Variants in NCOA6 observed in about 807,000 individuals in gnomAD.
NCOA6 encodes the protein NRC RAP250.
NCOA6 carries 49 observed loss-of-function variants against 171.4 expected under a neutral mutation model. That is an observed-to-expected ratio of 0.29 (90% CI 0.23 to 0.36). NCOA6 has a LOEUF of 0.36. Ranked by LOEUF, NCOA6 falls within the 10% of genes least tolerant of loss-of-function variation. The pLI, the probability that NCOA6 is intolerant of heterozygous loss-of-function variation, is 1.00. For synonymous variants in NCOA6, 910 were observed against 927.5 expected, an observed-to-expected ratio of 0.98 and a Z score of 0.34; for missense variants, 2,248 against 2,554.5, an observed-to-expected ratio of 0.88 and a Z score of 2.59.
intron 2 of NCOA6, 31 bp from the exon 3 acceptor site, chr20:34,782,435 A>T: frequency 1.4e-6 from 1 of 722,954 alleles, no homozygotes; most frequent in Non-Finnish European, 2.2e-6. Context: ...AGAGCATTAC[A>T]ATGCATAGTT....
intron 14 of NCOA6, among the ~76,000 whole-genome samples, chr20:34,716,632 T>C (rs1988633768): frequency 6.6e-6 from 1 of 152,086 alleles, no homozygotes; most frequent in African/African-American, 2.4e-5. Flanking sequence ...ATGCCTGTAG[T>C]CCCAGCTACT....
intron 3 of NCOA6, among the ~76,000 whole-genome samples, chr20:34,777,649 GT>G (rs1178605975): frequency 6.6e-6 from 1 of 151,480 alleles, no homozygotes; most frequent in Non-Finnish European, 1.5e-5. Context: ...CTTGCGCACT[GT>G]CAGTGGGAAT....
Position 34,757,656 on chromosome 20 carries a change from G to A in NCOA6, c.1092C>T (p.Ala364=). 6.2e-7 allele frequency: 1 copy of A among 1,614,148 alleles called. No homozygotes were observed. Among genetic ancestry groups the A allele is most frequent in the South Asian group, 1.1e-5 (1 of 91,092 alleles). Reference sequence around the variant, plus strand: ...GAGGGTGGGAAGGCGTCTGTACCGTGGCTAAGGATGGTCTTGCCTGGAGTT... The same window carrying A: ...GAGGGTGGGAAGGCGTCTGTACCGTAGCTAAGGATGGTCTTGCCTGGAGTT... The part of the protein sequence containing the change: ...QQQLQARPSL[A]TVQTPSHPPP... The change falls in exon 7 of 15, where the codon GCC becomes GCT. Residue 364 remains alanine, a synonymous_variant. Coordinates refer to ENST00000359003, the MANE Select transcript of NCOA6 (RefSeq NM_014071.5).
At chr20:34,718,052 C>G (rs1308224687) in intron 14 of NCOA6, among the ~76,000 whole-genome samples, 1 of 151,980 alleles carries the variant, frequency 6.6e-6, no homozygotes, top group Non-Finnish European at 1.5e-5. Context: ...TGCCTCTGAG[C>G]GTGAATCAAT....
chr20:34,825,187 C>T (rs1038600403), intron 1 of NCOA6, among the ~76,000 whole-genome samples: 1 of 151,948 alleles, frequency 6.6e-6, no homozygotes, highest in Non-Finnish European at 1.5e-5. Context: ...CTCAGTGCAC[C>T]GGCCCCCGCG....
intron 14 of NCOA6, among the ~76,000 whole-genome samples, chr20:34,721,255 A>AAAAAAAAAAAAAACAAAAAAAACAACAAC (rs1989294646): frequency 6.7e-6 from 1 of 148,508 alleles, no homozygotes; most frequent in African/African-American, 2.5e-5. Flanking sequence ...AAAAAAAAAA[A>AAAAAAAAAAAAAACAAAAAAAACAACAAC]AAAAAAAAAA....
intron 3 of NCOA6, among the ~76,000 whole-genome samples, chr20:34,778,875 C>T (rs1381585734): frequency 8.1e-5 from 12 of 147,296 alleles, no homozygotes; most frequent in Admixed American, 2.8e-4. Context: ...AGGAGAATGG[C>T]GTGAACCCGG....
At chr20:34,775,647 T>C (rs1457937312) in intron 4 of NCOA6, among the ~76,000 whole-genome samples, 1 of 117,498 alleles carries the variant, frequency 8.5e-6, no homozygotes, top group Admixed American at 1.2e-4. Context: ...ATCATGCCAC[T>C]ACACTCCATC....
rs1311889552 is a variant in NCOA6 at position 34,743,010 on chromosome 20, C to A, written c.3246G>T (p.Leu1082=). Reference sequence around the variant, plus strand: ...ATGGTGGCACGGAGGCAGGTCCTTGCAGACTGACCATGACAGGCACACTGC... The same window carrying A: ...ATGGTGGCACGGAGGCAGGTCCTTGAAGACTGACCATGACAGGCACACTGC... ...QSGSVPVMVS[L]QGPASVPPSP... Residue 1082 remains leucine, a synonymous_variant, in exon 11 of 15, where the codon CTG becomes CTT. Transcript: ENST00000359003. 6.2e-7 allele frequency: 1 copy of A among 1,613,642 alleles called. No homozygotes were observed. The highest frequency in any genetic ancestry group is 1.7e-5 in the Admixed American group (1 of 60,000).
In NCOA6 at chr20:34,750,166, T is replaced by A. The variant is rs369135330; in HGVS notation, c.2029A>T (p.Met677Leu). Reference protein sequence around the residue: ...SQNLGPSPQRMTPPKQMLSQQ... With the variant: ...SQNLGPSPQRLTPPKQMLSQQ... Reference sequence around the variant, plus strand: ...GAAAGCATCTGCTTGGGTGGGGTCATCCTTTGGGGCGAGGGCCCAAGATTT... The same window carrying A: ...GAAAGCATCTGCTTGGGTGGGGTCAACCTTTGGGGCGAGGGCCCAAGATTT... The change falls in exon 9 of 15, where the codon ATG becomes TTG. Residue 677 changes from methionine (M) to leucine (L), a missense_variant. This residue lies in a region of NCOA6 where 987 missense variants were observed against 1,104.7 expected (regional missense o/e 0.89). Coordinates refer to ENST00000359003, the MANE Select transcript of NCOA6 (RefSeq NM_014071.5). The A allele has an allele frequency of 1.2e-6, 2 of 1,613,044 alleles. No individual in the cohort carries two copies. The highest frequency in any genetic ancestry group is 1.1e-5 in the South Asian group (1 of 91,022).
rs374807036 is a variant in NCOA6, at chr20:34,715,316, G to A, written c.*6C>T. ...TTTCCAAGTATCAAGTCGCAGTCCT[G>A]CTTGTTTACTTGGATTTTCTTCGCT... On this transcript the variant is annotated 3_prime_UTR_variant, in exon 15 of 15. Transcript: ENST00000359003. 6 of 1,613,826 alleles carry A rather than the reference G, an allele frequency of 3.7e-6. No individual in the cohort carries two copies. The highest frequency in any genetic ancestry group is 5.1e-6 in the Non-Finnish European group (6 of 1,179,852).
At chr20:34,813,997 A>G (rs1231315027) in intron 1 of NCOA6, among the ~76,000 whole-genome samples, 1 of 152,168 alleles carries the variant, frequency 6.6e-6, no homozygotes. Flanking sequence ...ACTGGAAGAA[A>G]AAAGATTTAT....
intron 13 of NCOA6, 38 bp downstream of exon 13, chr20:34,732,521 C>CTACGTCTGCA: frequency 6.2e-7 from 1 of 1,601,148 alleles, no homozygotes; most frequent in Non-Finnish European, 8.6e-7. Context: ...GAGGCTTATG[C>CTACGTCTGCA]TGTGTTCATG....
At chr20:34,748,377 A>T (rs1456856236) in intron 9 of NCOA6, among the ~76,000 whole-genome samples, 1 of 152,228 alleles carries the variant, frequency 6.6e-6, no homozygotes, top group Admixed American at 6.5e-5. Context: ...GCATGATATA[A>T]TACAGTACAA....
chr20:34,738,772 A>C, intron 11 of NCOA6: 1 of 416,604 alleles, frequency 2.4e-6, no homozygotes, highest in Non-Finnish European at 5.0e-6. Context: ...TCCATTTTAC[A>C]AGTGAAATAC....
intron 1 of NCOA6, among the ~76,000 whole-genome samples, chr20:34,823,806 G>A (rs903070253): frequency 2.6e-5 from 4 of 151,874 alleles, no homozygotes; most frequent in Admixed American, 1.3e-4. Flanking sequence ...AGGCTCAAGC[G>A]ATCCTCCCAC....
At chr20:34,767,102 C>T (rs753164687) in intron 5 of NCOA6, among the ~76,000 whole-genome samples, 1 of 152,138 alleles carries the variant, frequency 6.6e-6, no homozygotes, top group Non-Finnish European at 1.5e-5. Flanking sequence ...ATGTTTGCTA[C>T]ACTGCTCAGG....
chr20:34,749,315 T>G (rs2076398306), intron 9 of NCOA6, 88 bp downstream of exon 9: 1 of 1,424,582 alleles, frequency 7.0e-7, no homozygotes. Flanking sequence ...ACTATTCTAG[T>G]TTTATATTCT....
chr20:34,814,620 T>G (rs2078771234), intron 1 of NCOA6, among the ~76,000 whole-genome samples: 1 of 152,194 alleles, frequency 6.6e-6, no homozygotes, highest in Admixed American at 6.5e-5. Flanking sequence ...AGACGGAGTC[T>G]CACTCTTGTC....
Sources: allele counts gnomAD v4.1 joint callset (sites outside exome capture counted in the v4.1 genomes callset), GRCh38; gene constraint gnomAD v4.1.1; regional missense constraint gnomAD v4.1.1; transcripts MANE v1.5; gene names NCBI Gene and HGNC (gene_info 2026-07-23, HGNC 2026-07-21).